The following NXN variants were observed in gnomAD, a reference collection of about 807,000 sequenced individuals.
The protein encoded by NXN is nucleoredoxin 1.
A neutral mutation model predicts 48.6 loss-of-function variants in NXN; 16 were observed. The observed-to-expected ratio is 0.33, with a 90% CI of 0.22 to 0.50. The LOEUF (loss-of-function observed/expected upper bound fraction) is 0.50. NXN is among the 20% of genes least tolerant of loss of function. The pLI is 0.98. For missense variants in NXN, 492 were observed against 605.5 expected, an observed-to-expected ratio of 0.81 and a Z score of 1.97; for synonymous variants, 281 against 269.6, an observed-to-expected ratio of 1.04 and a Z score of -0.41.
At chr17:843,056 G>GCAAGCAAGC (rs1555613147) in intron 1 of NXN, among the ~76,000 whole-genome samples, 7 of 107,216 alleles carry the variant, frequency 6.5e-5, no homozygotes, top group African/African-American at 2.7e-4. Context: ...AAGAAAGAAA[G>GCAAGCAAGC]AAGGAAGAAA....
intron 1 of NXN, among the ~76,000 whole-genome samples, chr17:834,945 G>A (rs1476279068): frequency 6.6e-6 from 1 of 151,744 alleles, no homozygotes; most frequent in Non-Finnish European, 1.5e-5. Context: ...GCCCCAGGGT[G>A]CATTCTCATG....
chr17:848,329 A>G (rs1426872044), intron 1 of NXN, among the ~76,000 whole-genome samples: 2 of 152,128 alleles, frequency 1.3e-5, no homozygotes, highest in African/African-American at 4.8e-5. Flanking sequence ...TAGGAGAGAC[A>G]GGGTTTCACC....
At chr17:939,099 G>T (rs1001550601) in intron 1 of NXN, among the ~76,000 whole-genome samples, 1 of 151,668 alleles carries the variant, frequency 6.6e-6, no homozygotes, top group African/African-American at 2.4e-5. Context: ...GAAAATGAGA[G>T]CTAAAAATAT....
intron 1 of NXN, among the ~76,000 whole-genome samples, chr17:878,493 A>T (rs1345295096): frequency 4.9e-3 from 24 of 4,918 alleles, no homozygotes; most frequent in East Asian, 0.013. Flanking sequence ...GGGGCAGGGG[A>T]GGGGGTGCCC....
At chr17:966,276 T>C (rs2069301867) in intron 1 of NXN, among the ~76,000 whole-genome samples, 1 of 152,082 alleles carries the variant, frequency 6.6e-6, no homozygotes, top group African/African-American at 2.4e-5. Context: ...TTTGTAAACT[T>C]TCTTAAAACA....
intron 1 of NXN, among the ~76,000 whole-genome samples, chr17:876,354 T>C (rs1305772828): frequency 1.3e-5 from 2 of 152,206 alleles, no homozygotes; most frequent in African/African-American, 2.4e-5. Context: ...AAAAAAGCTA[T>C]TGAAATTTCA....
intron 5 of NXN, among the ~76,000 whole-genome samples, chr17:814,330 C>A (rs1398415689): frequency 6.6e-6 from 1 of 152,122 alleles, no homozygotes; most frequent in Non-Finnish European, 1.5e-5. Flanking sequence ...ACCCCCTGGC[C>A]TGAGCGTTGG....
Position 979,435 on chromosome 17 carries a change from G to C in NXN, c.244C>G (p.Pro82Ala). 1 of 1,307,928 alleles carries C rather than the reference G, an allele frequency of 7.6e-7. No individual in the cohort carries two copies. Among genetic ancestry groups the C allele is most frequent in the Non-Finnish European group, 9.8e-7 (1 of 1,016,128 alleles). The allele number at this position is 1,307,928 out of a possible 1,614,324, so 81.0% of individuals were successfully genotyped here. A position where few individuals can be genotyped will look rare whatever the true frequency, so the allele number is the denominator to read the frequency against. Residue 82 changes from proline to alanine, a missense_variant, in exon 1 of 8, where the codon CCG (proline) becomes GCG (alanine). By Grantham distance (27) the Pro-to-Ala change is conservative. Coordinates refer to ENST00000336868, the MANE Select transcript of NXN (RefSeq NM_022463.5). ...AAGACGATCTCCAGGCGCCGCCGCG[G>C]CTCGGGCTCCGCCGCCGCCCCGGCC... ...AGAGAAAEPEPRRRLEIVFVS... is the reference protein window; with the variant it reads ...AGAGAAAEPEARRRLEIVFVS...
intron 1 of NXN, among the ~76,000 whole-genome samples, chr17:894,565 G>T (rs1342749220): frequency 1.2e-5 from 1 of 83,540 alleles, no homozygotes; most frequent in African/African-American, 5.0e-5. Context: ...CAAACGCCCT[G>T]GAAGCCAGAG....
chr17:833,139 C>T (rs1202947382), intron 1 of NXN, among the ~76,000 whole-genome samples: 1 of 152,174 alleles, frequency 6.6e-6, no homozygotes, highest in African/African-American at 2.4e-5. Flanking sequence ...GATCCGCCCA[C>T]CTCAGCCTCC....
intron 1 of NXN, among the ~76,000 whole-genome samples, chr17:970,335 T>C (rs1253676060): frequency 2.6e-5 from 4 of 152,044 alleles, no homozygotes; most frequent in Admixed American, 2.6e-4. Flanking sequence ...TGAAGTTCAA[T>C]TTTGTCTCTG....
At chr17:868,126 T>C (rs1387834028) in intron 1 of NXN, among the ~76,000 whole-genome samples, 1 of 152,050 alleles carries the variant, frequency 6.6e-6, no homozygotes, top group Non-Finnish European at 1.5e-5. Flanking sequence ...TCCAGAGTCA[T>C]CTCCCTCCCT....
chr17:830,508 G>A lies in NXN; in HGVS notation c.361-4430C>T, dbSNP rs1252112636. Among the ~76,000 whole-genome samples the A allele has an allele frequency of 2.0e-5, 3 of 152,256 alleles. No homozygotes were observed. Among genetic ancestry groups the A allele is most frequent in the African/African-American group, 4.8e-5 (2 of 41,542 alleles). ...AGGAAATGGAACAAGCCACAGGCAC[G>A]CCGCGGGAGGCCACCTGAGGCCCAA... On this transcript the variant is annotated intron_variant, in intron 1 of 7. Coordinates refer to ENST00000336868, the MANE Select transcript of NXN (RefSeq NM_022463.5). This position sits in a 1 kb window ranked among gnomAD's most constrained non-coding sequence, Gnocchi z 4.2.
At chr17:907,244 T>A (rs2068589509) in intron 1 of NXN, among the ~76,000 whole-genome samples, 2 of 152,160 alleles carry the variant, frequency 1.3e-5, no homozygotes, top group South Asian at 4.1e-4. Context: ...TCCTGCAGCC[T>A]CTGGCTCTTC....
chr17:958,921 G>A lies in NXN; in HGVS notation c.360+20398C>T, dbSNP rs1597277435. 6.4e-6 allele frequency: 1 copy of A among 156,824 alleles called. No homozygotes were observed. The highest frequency in any genetic ancestry group is 1.4e-5 in the Non-Finnish European group (1 of 71,378). 9.7% of individuals were successfully genotyped at this position (156,824 alleles called of 1,614,324 possible). A position where few individuals can be genotyped will look rare whatever the true frequency, so the allele number is the denominator to read the frequency against. On this transcript the variant is annotated intron_variant, in intron 1 of 7. Coordinates refer to ENST00000336868, the MANE Select transcript of NXN (RefSeq NM_022463.5). This position sits in a 1 kb window ranked among gnomAD's most constrained non-coding sequence, Gnocchi z 6.9. ...TGCTCCAGCCTGGGTGACAGCCTGA[G>A]ACTTGTCTTTAAAAAAGAAACACAC...
chr17:886,438 T>C (rs28547488), intron 1 of NXN, among the ~76,000 whole-genome samples: 20,367 of 152,118 alleles, frequency 0.13, 1,447 homozygotes, highest in Middle Eastern at 0.18. Flanking sequence ...CTCATGATTC[T>C]TCCCTGGGAG....
intron 6 of NXN, among the ~76,000 whole-genome samples, chr17:804,520 C>A (rs1450989778): frequency 6.6e-6 from 1 of 152,148 alleles, no homozygotes; most frequent in African/African-American, 2.4e-5. Flanking sequence ...GCAAAAGGAA[C>A]CAGGGTCATC....
At chr17:810,407 A>T in intron 5 of NXN, among the ~76,000 whole-genome samples, 1 of 152,204 alleles carries the variant, frequency 6.6e-6, no homozygotes. Context: ...ACAGCGAGAT[A>T]TCTATGTCTA....
intron 1 of NXN, among the ~76,000 whole-genome samples, chr17:831,460 T>C (rs534237713): frequency 6.6e-4 from 45 of 68,160 alleles, no homozygotes; most frequent in African/African-American, 1.4e-3. Flanking sequence ...TTTATTCATT[T>C]ATTTATTTAT....
Sources: allele counts gnomAD v4.1 joint callset (sites outside exome capture counted in the v4.1 genomes callset), GRCh38; gene constraint gnomAD v4.1.1; non-coding constraint Gnocchi (gnomAD v3.1); transcripts MANE v1.5; gene names NCBI Gene and HGNC (gene_info 2026-07-23, HGNC 2026-07-21).